Variants in NEK11 observed in about 807,000 individuals in gnomAD.
NEK11 encodes the protein serine/threonine-protein kinase Nek11.
NEK11 carries 72 observed loss-of-function variants against 80.7 expected under a neutral mutation model. That is an observed-to-expected ratio of 0.89 (90% CI 0.74 to 1.08). NEK11 has a LOEUF of 1.08. Ranked by LOEUF, NEK11 falls within the 50% of genes least tolerant of loss-of-function variation. The probability of loss-of-function intolerance (pLI) is 0.00; values close to 1 mark genes in which losing one functional copy is unlikely to be tolerated. For synonymous variants in NEK11, 251 were observed against 260.7 expected (o/e 0.96, Z 0.36); for missense variants, 764 against 763.6 (o/e 1.00, Z -0.01).
chr3:131,204,601 T>C (rs914321331), intron 14 of NEK11, among the ~76,000 whole-genome samples: 4 of 151,932 alleles, frequency 2.6e-5, no homozygotes, highest in African/African-American at 4.8e-5. Flanking sequence ...CACCCACACA[T>C]TTGGTCACAG....
intron 4 of NEK11, among the ~76,000 whole-genome samples, chr3:131,097,183 T>C (rs1416279171): frequency 7.9e-5 from 12 of 151,886 alleles, no homozygotes; most frequent in Non-Finnish European, 1.2e-4. Context: ...TGAATAGGGC[T>C]GCAATAAACA....
chr3:131,284,279 T>C (rs928941176), intron 17 of NEK11, among the ~76,000 whole-genome samples: 1 of 152,192 alleles, frequency 6.6e-6, no homozygotes, highest in Non-Finnish European at 1.5e-5. Context: ...GTAGCCCAGA[T>C]GTCAGCCAGC....
chr3:131,248,814 A>T (rs895305308), intron 16 of NEK11, among the ~76,000 whole-genome samples: 3 of 152,244 alleles, frequency 2.0e-5, no homozygotes, highest in East Asian at 3.9e-4. Flanking sequence ...TGAAATATTT[A>T]AAAATATTTT....
chr3:131,212,846 T>G (rs934345143), intron 14 of NEK11, among the ~76,000 whole-genome samples: 12 of 152,216 alleles, frequency 7.9e-5, no homozygotes, highest in African/African-American at 2.7e-4. Flanking sequence ...GGTAGTTTGG[T>G]CCATCACCAG....
At chr3:131,185,463 C>G (rs772831420) in intron 14 of NEK11, among the ~76,000 whole-genome samples, 1 of 152,138 alleles carries the variant, frequency 6.6e-6, no homozygotes, top group Non-Finnish European at 1.5e-5. Context: ...TTTGAACCAG[C>G]TTTTACTGGT....
chr3:131,110,218 T>A (rs2079883188), intron 5 of NEK11, among the ~76,000 whole-genome samples: 1 of 152,150 alleles, frequency 6.6e-6, no homozygotes, highest in Non-Finnish European at 1.5e-5. Flanking sequence ...TTACAGGAAG[T>A]TCTCAGAAAC....
At position 131,034,549 on chromosome 3, in the gene NEK11, G is replaced by A. The variant is rs1210600242; in HGVS notation, c.170+4671G>A. Among the ~76,000 whole-genome samples the A allele has an allele frequency of 5.3e-5, 8 of 152,138 alleles. No individual in the cohort carries two copies. In the East Asian group the frequency reaches 5.8e-4, roughly 11 times the overall value. On this transcript the variant is annotated intron_variant, in intron 3 of 17. Transcript: ENST00000383366. ...CGAGTAGCTGGGACTACAGGCGCCC[G>A]CCACCACACCCGGCTAATTTTTTGT...
intron 4 of NEK11, among the ~76,000 whole-genome samples, chr3:131,091,283 G>A (rs991571862): frequency 2.6e-5 from 4 of 152,156 alleles, no homozygotes; most frequent in African/African-American, 9.7e-5. Flanking sequence ...AGAAGGCAAT[G>A]GGGAGTTTGG....
intron 14 of NEK11, chr3:131,175,025 C>CT: frequency 7.8e-7 from 1 of 1,287,324 alleles, no homozygotes; most frequent in Non-Finnish European, 9.8e-7. Context: ...CTTTGCTTGC[C>CT]TGTAGGAGCC....
intron 14 of NEK11, among the ~76,000 whole-genome samples, chr3:131,214,034 C>A (rs2094727190): frequency 6.6e-6 from 1 of 152,172 alleles, no homozygotes; most frequent in Non-Finnish European, 1.5e-5. Context: ...GGACAGCAGT[C>A]TGCAAATCAG....
At chr3:131,122,985 A>G (rs968553748) in intron 5 of NEK11, among the ~76,000 whole-genome samples, 4 of 152,334 alleles carry the variant, frequency 2.6e-5, no homozygotes, top group Middle Eastern at 3.4e-3. Flanking sequence ...ACTTGAGATA[A>G]TAGATGGAGA....
chr3:131,329,951 T>C (rs933647380), intron 17 of NEK11: 3 of 152,144 alleles, frequency 2.0e-5, no homozygotes, highest in Non-Finnish European at 2.9e-5. Flanking sequence ...AGCAGGGAAG[T>C]GAAAGTAGGC....
At chr3:131,304,256 A>C (rs1236761942) in intron 17 of NEK11, among the ~76,000 whole-genome samples, 1 of 152,234 alleles carries the variant, frequency 6.6e-6, no homozygotes, top group Non-Finnish European at 1.5e-5. Context: ...CAGCTCTATC[A>C]GATCAGTTTG....
chr3:131,215,719 G>A lies in NEK11; in HGVS notation c.1400-12809G>A, dbSNP rs142492204. On this transcript the variant is annotated intron_variant, in intron 14 of 17. Coordinates refer to ENST00000383366, the MANE Select transcript of NEK11 (RefSeq NM_024800.5). The stretch of plus-strand genomic sequence containing the variant: ...TGCTACATCCACAACTGTGAGAGCT[G>A]GAGCACTTTCAAGGGCCAGGAGATT... Among the ~76,000 whole-genome samples, 4 of 152,340 alleles carry A rather than the reference G, an allele frequency of 2.6e-5. No individual in the cohort carries two copies. In the East Asian group the frequency reaches 7.7e-4, roughly 29 times the overall value.
chr3:131,206,879 A>G (rs2094456507), intron 14 of NEK11, among the ~76,000 whole-genome samples: 1 of 150,112 alleles, frequency 6.7e-6, no homozygotes, highest in African/African-American at 2.5e-5. Context: ...AAGTGTTCTC[A>G]TTGTTCAATT....
chr3:131,281,150 G>T (rs1049875042), intron 17 of NEK11, among the ~76,000 whole-genome samples: 2 of 152,146 alleles, frequency 1.3e-5, no homozygotes, highest in African/African-American at 4.8e-5. Context: ...TTTTTAAACA[G>T]CTTTTGTTTT....
chr3:131,186,881 T>C (rs887795226), intron 14 of NEK11, among the ~76,000 whole-genome samples: 4 of 152,194 alleles, frequency 2.6e-5, no homozygotes, highest in African/African-American at 9.7e-5. Context: ...AATCAGGTAA[T>C]TTTCCTGATA....
intron 4 of NEK11, among the ~76,000 whole-genome samples, chr3:131,096,089 GA>G (rs1240535310): frequency 6.6e-6 from 1 of 152,076 alleles, no homozygotes; most frequent in Admixed American, 6.6e-5. Flanking sequence ...TTTTGTTATA[GA>G]GGGTACATCT....
intron 17 of NEK11, among the ~76,000 whole-genome samples, chr3:131,284,891 C>T (rs1253549030): frequency 6.6e-6 from 1 of 152,184 alleles, no homozygotes; most frequent in Non-Finnish European, 1.5e-5. Flanking sequence ...TTTTGAGACT[C>T]GAACTGGCTT....
Sources: allele counts gnomAD v4.1 joint callset (sites outside exome capture counted in the v4.1 genomes callset), GRCh38; gene constraint gnomAD v4.1.1; transcripts MANE v1.5; gene names NCBI Gene and HGNC (gene_info 2026-07-23, HGNC 2026-07-21).